The following APBB2 variants were observed in gnomAD, a reference collection of about 807,000 sequenced individuals.
APBB2 encodes Fe65-like 1.
A neutral mutation model predicts 82.5 loss-of-function variants in APBB2; 38 were observed. That is an observed-to-expected ratio of 0.46 (90% confidence interval 0.36 to 0.60). The LOEUF (loss-of-function observed/expected upper bound fraction) is 0.60, where lower values mean the gene tolerates loss of function less well. Ranked by LOEUF, APBB2 falls within the 20% of genes least tolerant of loss-of-function variation. APBB2 has a pLI of 0.00. For synonymous variants in APBB2, 341 were observed against 368.2 expected (o/e 0.93, Z 0.85); for missense variants, 772 against 972.3 (o/e 0.79, Z 2.74).
chr4:40,866,752 C>T (rs1036230991), intron 12 of APBB2, among the ~76,000 whole-genome samples: 4 of 152,158 alleles, frequency 2.6e-5, no homozygotes, highest in African/African-American at 7.2e-5. Context: ...GAGTCTCGCT[C>T]TGTCACCCAG....
chr4:40,879,096 G>C (rs1490472378), intron 12 of APBB2, among the ~76,000 whole-genome samples: 1 of 151,932 alleles, frequency 6.6e-6, no homozygotes, highest in South Asian at 2.1e-4. Context: ...AGAAACATGA[G>C]ACCCAGTGCC....
intron 1 of APBB2, among the ~76,000 whole-genome samples, chr4:41,207,210 A>C (rs1778186476): frequency 1.3e-5 from 2 of 149,638 alleles, no homozygotes; most frequent in Admixed American, 6.6e-5. Context: ...AAAAAAAAAA[A>C]AAAAAAAAAA....
intron 6 of APBB2, among the ~76,000 whole-genome samples, chr4:40,945,472 T>C (rs1030616125): frequency 2.7e-4 from 37 of 139,478 alleles, no homozygotes; most frequent in Non-Finnish European, 5.9e-4. Flanking sequence ...CATCATGTCA[T>C]TCCCAGCTAT....
At chr4:41,096,384 C>T (rs1743467314) in intron 3 of APBB2, among the ~76,000 whole-genome samples, 1 of 152,166 alleles carries the variant, frequency 6.6e-6, no homozygotes, top group African/African-American at 2.4e-5. Flanking sequence ...AAGTGCTTAA[C>T]GGTATGGCTT....
intron 6 of APBB2, among the ~76,000 whole-genome samples, chr4:40,996,927 T>C (rs1268298004): frequency 6.6e-6 from 1 of 152,214 alleles, no homozygotes; most frequent in Non-Finnish European, 1.5e-5. Context: ...GTCTTAAAAC[T>C]TGAAAAAGTT....
Position 40,893,354 on chromosome 4 carries a change from C to T in APBB2, c.1312G>A (p.Gly438Ser), listed in dbSNP as rs376389662. 30 of 1,613,346 alleles carry T rather than the reference C, an allele frequency of 1.9e-5. No individual in the cohort carries two copies. In the East Asian group the frequency reaches 2.2e-4, roughly 12 times the overall value. The change falls in exon 11 of 18, where the codon GGT becomes AGT. Residue 438 changes from glycine (G) to serine (S), a missense_variant. Physicochemically the swap from Gly to Ser is moderately conservative, Grantham distance 56 (BLOSUM62 0). Coordinates refer to ENST00000508593, the MANE Select transcript of APBB2 (RefSeq NM_004307.2). ...VEMAEEDLAPGKSSVAVNNCI... is the reference protein window; with the variant it reads ...VEMAEEDLAPSKSSVAVNNCI... ...TTGTTGACCGCAACACTACTTTTAC[C>T]GGGGGCGAGGTCCTCTTCTGCCATC...
intron 2 of APBB2, among the ~76,000 whole-genome samples, chr4:41,131,232 A>G (rs1451322483): frequency 6.6e-6 from 1 of 152,014 alleles, no homozygotes; most frequent in Non-Finnish European, 1.5e-5. Context: ...TCTCCACTCT[A>G]TGCCCAAGTT....
chr4:40,928,106 C>A (rs758187726), intron 10 of APBB2, among the ~76,000 whole-genome samples: 3 of 152,210 alleles, frequency 2.0e-5, no homozygotes, highest in Non-Finnish European at 4.4e-5. Context: ...GAGTTGTCTT[C>A]TTAACAAATG....
intron 1 of APBB2, among the ~76,000 whole-genome samples, chr4:41,164,662 C>T (rs1766026292): frequency 6.6e-6 from 1 of 152,166 alleles, no homozygotes; most frequent in Non-Finnish European, 1.5e-5. Flanking sequence ...GAAGTAATAT[C>T]ACTTCTCGTT....
intron 4 of APBB2, among the ~76,000 whole-genome samples, chr4:41,037,208 C>T (rs965368993): frequency 5.3e-5 from 8 of 152,128 alleles, no homozygotes; most frequent in African/African-American, 1.9e-4. Context: ...AATTTAAATA[C>T]AGATCAAGTA....
intron 10 of APBB2, among the ~76,000 whole-genome samples, chr4:40,914,289 C>T (rs1158888566): frequency 6.6e-6 from 1 of 152,120 alleles, no homozygotes; most frequent in Non-Finnish European, 1.5e-5. Flanking sequence ...AGGAGAATGG[C>T]GTGAACCCGG....
intron 12 of APBB2, among the ~76,000 whole-genome samples, chr4:40,886,199 C>A (rs554291169): frequency 1.3e-5 from 2 of 152,238 alleles, no homozygotes; most frequent in East Asian, 3.8e-4. Flanking sequence ...TATGTTTTGG[C>A]TGGGCGCAGT....
chr4:41,105,607 A>G (rs577171822), intron 2 of APBB2, among the ~76,000 whole-genome samples: 16 of 152,194 alleles, frequency 1.1e-4, no homozygotes, highest in East Asian at 9.6e-4. Flanking sequence ...AATATTGGCC[A>G]GGCGCAGTGG....
intron 1 of APBB2, among the ~76,000 whole-genome samples, chr4:41,151,132 G>A (rs763807504): frequency 6.6e-5 from 10 of 152,094 alleles, no homozygotes; most frequent in Non-Finnish European, 1.5e-4. Flanking sequence ...GTAATCTTGA[G>A]GTGTGTCTTA....
At chr4:40,904,049 C>T (rs1776038226) in intron 10 of APBB2, among the ~76,000 whole-genome samples, 1 of 152,134 alleles carries the variant, frequency 6.6e-6, no homozygotes, top group Admixed American at 6.5e-5. Flanking sequence ...CCTCTGTCAT[C>T]TCCTAGTTAC....
chr4:41,154,759 A>G (rs1356005473), intron 1 of APBB2, among the ~76,000 whole-genome samples: 1 of 152,196 alleles, frequency 6.6e-6, no homozygotes, highest in African/African-American at 2.4e-5. Flanking sequence ...TTTTGGTCCC[A>G]AAACTGATTA....
chr4:40,897,716 A>AG (rs1380586677), intron 10 of APBB2, among the ~76,000 whole-genome samples: 1 of 151,970 alleles, frequency 6.6e-6, no homozygotes, highest in African/African-American at 2.4e-5. Context: ...GCTCCGCCCG[A>AG]GGGGCCAGCT....
intron 12 of APBB2, among the ~76,000 whole-genome samples, chr4:40,860,977 G>C (rs907096879): frequency 6.6e-6 from 1 of 152,144 alleles, no homozygotes; most frequent in Admixed American, 6.5e-5. Context: ...CCATCACTTT[G>C]CTTTCGAAGC....
chr4:41,139,815 T>C (rs557530006), intron 2 of APBB2, among the ~76,000 whole-genome samples: 2 of 152,308 alleles, frequency 1.3e-5, no homozygotes, highest in South Asian at 4.1e-4. Flanking sequence ...AACTATTTTG[T>C]ATGATACTGT....
Sources: gnomAD v4.1 joint callset for allele counts (sites outside exome capture counted in the v4.1 genomes callset) on GRCh38, gnomAD v4.1.1 for gene constraint, MANE v1.5 for transcripts, NCBI Gene and HGNC (gene_info 2026-07-23, HGNC 2026-07-21) for gene names.